The following CARMIL1 variants were observed in gnomAD, a reference collection of about 807,000 sequenced individuals.
CARMIL1 encodes F-actin-uncapping protein LRRC16A.
A neutral mutation model predicts 177.1 loss-of-function variants in CARMIL1; 90 were observed. The ratio of observed to expected loss-of-function variants is 0.51; its 90% CI spans 0.43 to 0.61. CARMIL1 has a LOEUF of 0.61. CARMIL1 is among the 20% of genes least tolerant of loss of function. The probability of loss-of-function intolerance (pLI) is 0.00; values close to 1 mark genes in which losing one functional copy is unlikely to be tolerated. For synonymous variants in CARMIL1, 577 were observed against 606.2 expected (o/e 0.95, Z 0.71); for missense variants, 1,380 against 1,667.0 (o/e 0.83, Z 3.00).
intron 2 of CARMIL1, among the ~76,000 whole-genome samples, chr6:25,356,183 G>A (rs908074297): frequency 2.0e-5 from 3 of 151,618 alleles, no homozygotes; most frequent in African/African-American, 4.8e-5. Context: ...TCAGCCTCCC[G>A]AGTAGCTGGG....
intron 2 of CARMIL1, among the ~76,000 whole-genome samples, chr6:25,335,975 G>A (rs1408984080): frequency 6.6e-6 from 1 of 152,130 alleles, no homozygotes; most frequent in Non-Finnish European, 1.5e-5. Context: ...TTACTGCTCT[G>A]TTACTGTGCT....
intron 8 of CARMIL1, among the ~76,000 whole-genome samples, chr6:25,459,640 G>A (rs1257848028): frequency 6.6e-6 from 1 of 152,050 alleles, no homozygotes; most frequent in African/African-American, 2.4e-5. Context: ...TTTACATCAG[G>A]AAAAAGGTTA....
intron 4 of CARMIL1, among the ~76,000 whole-genome samples, chr6:25,431,104 C>T (rs985538845): frequency 4.8e-4 from 73 of 152,038 alleles, no homozygotes; most frequent in African/African-American, 1.5e-3. Flanking sequence ...CATGCTGGTG[C>T]GCTGCACCCA....
chr6:25,386,980 A>G (rs1038085833), intron 2 of CARMIL1, among the ~76,000 whole-genome samples: 2 of 151,996 alleles, frequency 1.3e-5, no homozygotes, highest in African/African-American at 4.8e-5. Flanking sequence ...AAATACAAAA[A>G]TTAGCCAGGC....
Position 25,284,547 on chromosome 6 carries a change from T to C in CARMIL1, c.41-265T>C, listed in dbSNP as rs1781385565. On this transcript the variant is annotated intron_variant, in intron 1 of 36. Transcript: ENST00000329474. ...CAACATGGTAAAACCCCATCTCTACTAAATACAAAAAATTAGCCGGACCTG... is the reference window on the plus strand; with the variant it reads ...CAACATGGTAAAACCCCATCTCTACCAAATACAAAAAATTAGCCGGACCTG... Among the ~76,000 whole-genome samples, 5 of 152,116 alleles carry C rather than the reference T, an allele frequency of 3.3e-5. No individual in the cohort carries two copies. In the South Asian group the frequency reaches 1.0e-3, roughly 32 times the overall value.
At position 25,435,510 on chromosome 6, in the gene CARMIL1, A is replaced by G. The variant is rs1197923950; in HGVS notation, c.277A>G (p.Ile93Val). Residue 93 changes from isoleucine (I) to valine (V), a missense_variant, in exon 5 of 37, where the codon ATT (isoleucine) becomes GTT (valine). Ile to Val is a conservative substitution (Grantham distance 29). Coordinates refer to ENST00000329474, the MANE Select transcript of CARMIL1 (RefSeq NM_017640.6). ...QMIVETEKCS[I>V]SMKMASPEDV... ...GATTGTGGAAACTGAGAAGTGCAGC[A>G]TTTCCATGAAGATGGCGTCACCCGA... 6.4e-7 allele frequency: 1 copy of G among 1,551,958 alleles called. No individual in the cohort carries two copies. Among genetic ancestry groups the G allele is most frequent in the South Asian group, 1.2e-5 (1 of 84,082 alleles).
chr6:25,453,833 A>C (rs549369871), intron 8 of CARMIL1, among the ~76,000 whole-genome samples: 1 of 152,154 alleles, frequency 6.6e-6, no homozygotes, highest in African/African-American at 2.4e-5. Flanking sequence ...CATCTGGCCT[A>C]CGGGAGTGAA....
chr6:25,501,445 A>G (rs1804325184), intron 17 of CARMIL1, among the ~76,000 whole-genome samples: 2 of 152,128 alleles, frequency 1.3e-5, no homozygotes, highest in South Asian at 2.1e-4. Flanking sequence ...CAAAATGGAG[A>G]TAATAGTAAC....
In CARMIL1 at chr6:25,439,537, T is replaced by TG. The variant is rs199860881; in HGVS notation, c.371+3934dup. On this transcript the variant is annotated intron_variant, in intron 5 of 36. Transcript: ENST00000329474. ...GCTGTCAAGGTAGGAGGAAAACCAG[T>TG]GAAAAACCAGGGCCTGGGAAGGAGT... Among the ~76,000 whole-genome samples, 640 of 152,114 alleles carry TG rather than the reference T, an allele frequency of 4.2e-3. 3 individuals carry two copies. The highest frequency in any genetic ancestry group is 0.014 in the African/African-American group (600 of 41,490).
intron 29 of CARMIL1, among the ~76,000 whole-genome samples, chr6:25,567,851 G>C (rs1045518383): frequency 6.6e-6 from 1 of 152,092 alleles, no homozygotes; most frequent in African/African-American, 2.4e-5. Flanking sequence ...ATTAAAGTTG[G>C]GATGAGTTAA....
chr6:25,473,438 TTATATGTATTATATATTG>T (rs1801253690), intron 11 of CARMIL1, among the ~76,000 whole-genome samples: 1 of 152,218 alleles, frequency 6.6e-6, no homozygotes, highest in African/African-American at 2.4e-5. Flanking sequence ...ATTTTGTATG[TTATATGTATTATATATTG>T]TATTCTTTAA....
chr6:25,450,408 G>T lies in CARMIL1; in HGVS notation c.539G>T (p.Trp180Leu). Residue 180 changes from tryptophan to leucine, a missense_variant and splice_region_variant, in exon 7 of 37, where the codon TGG (tryptophan) becomes TTG (leucine). Trp to Leu is a moderately conservative substitution (Grantham distance 61, BLOSUM62 -2). Transcript: ENST00000329474. ...LGFSYREEVQ[W>L]DVDTIYLTQD... ...TTTTCATACAGGGAAGAAGTACAATGGGTAAGAATGTCTGTGTACATGTGC... is the reference window on the plus strand; with the variant it reads ...TTTTCATACAGGGAAGAAGTACAATTGGTAAGAATGTCTGTGTACATGTGC... 6.2e-7 allele frequency: 1 copy of T among 1,610,228 alleles called. No homozygotes were observed.
chr6:25,433,986 G>A (rs532342741), intron 4 of CARMIL1, among the ~76,000 whole-genome samples: 158 of 152,286 alleles, frequency 1.0e-3, no homozygotes, highest in South Asian at 5.6e-3. Flanking sequence ...TCATATTTTT[G>A]TATAGATAAA....
intron 2 of CARMIL1, among the ~76,000 whole-genome samples, chr6:25,382,722 C>T (rs1791694560): frequency 6.6e-6 from 1 of 152,090 alleles, no homozygotes; most frequent in African/African-American, 2.4e-5. Flanking sequence ...CTCATTGGTG[C>T]ATTTTTACAG....
intron 2 of CARMIL1, among the ~76,000 whole-genome samples, chr6:25,353,161 A>T (rs1332630520): frequency 1.3e-5 from 2 of 152,202 alleles, no homozygotes; most frequent in African/African-American, 4.8e-5. Flanking sequence ...CCCTCTTCGT[A>T]AATTATGATT....
intron 32 of CARMIL1, among the ~76,000 whole-genome samples, chr6:25,599,724 A>C (rs892213447): frequency 2.0e-5 from 3 of 152,166 alleles, no homozygotes; most frequent in African/African-American, 7.2e-5. Context: ...AGCCATCTCA[A>C]ATTTTCAGGC....
intron 26 of CARMIL1, among the ~76,000 whole-genome samples, chr6:25,541,150 A>G (rs1252919270): frequency 2.0e-5 from 3 of 152,338 alleles, no homozygotes; most frequent in Non-Finnish European, 4.4e-5. Context: ...TTTTAACTGT[A>G]GAAAATGACT....
intron 31 of CARMIL1, among the ~76,000 whole-genome samples, chr6:25,586,722 G>GCGGGCGC (rs1345474852): frequency 2.0e-5 from 3 of 152,224 alleles, no homozygotes; most frequent in Non-Finnish European, 4.4e-5. Flanking sequence ...GGAGGCCGAG[G>GCGGGCGC]CGGGCAGATC....
intron 22 of CARMIL1, among the ~76,000 whole-genome samples, chr6:25,518,551 A>G (rs1319675813): frequency 2.0e-5 from 3 of 152,210 alleles, no homozygotes; most frequent in Non-Finnish European, 2.9e-5. Flanking sequence ...TTGCCACTGC[A>G]TGATTACAGA....
Sources: allele counts gnomAD v4.1 joint callset (sites outside exome capture counted in the v4.1 genomes callset), GRCh38; gene constraint gnomAD v4.1.1; transcripts MANE v1.5; gene names NCBI Gene and HGNC (gene_info 2026-07-23, HGNC 2026-07-21).